Variants in SYNPR observed in about 807,000 individuals in gnomAD.
SYNPR encodes the protein synaptoporin.
Under a neutral mutation model 32.9 loss-of-function variants are expected in SYNPR, and 23 were observed. That is an observed-to-expected ratio of 0.70 (90% confidence interval 0.50 to 0.99). The LOEUF (loss-of-function observed/expected upper bound fraction) is 0.99, where lower values mean the gene tolerates loss of function less well. Among genes scored for constraint, SYNPR ranks in the 50% least tolerant of loss-of-function variants. SYNPR has a pLI of 0.00. For missense variants in SYNPR, 318 were observed against 349.3 expected (o/e 0.91, Z 0.71); for synonymous variants, 146 against 135.9 (o/e 1.07, Z -0.52).
At chr3:63,327,613 G>A (rs992866938) in intron 2 of SYNPR, among the ~76,000 whole-genome samples, 1 of 151,976 alleles carries the variant, frequency 6.6e-6, no homozygotes, top group Non-Finnish European at 1.5e-5. Context: ...TGATGAGAAT[G>A]GACAAACTAT....
chr3:63,606,413 C>CTTTTTTTTTTTTTT (rs1454337046), intron 4 of SYNPR, among the ~76,000 whole-genome samples: 1 of 63,458 alleles, frequency 1.6e-5, no homozygotes, highest in African/African-American at 4.9e-5. Context: ...ACCTCAAATC[C>CTTTTTTTTTTTTTT]TTTCTTTTTT....
intron 2 of SYNPR, among the ~76,000 whole-genome samples, chr3:63,431,438 C>T (rs1026963587): frequency 5.9e-5 from 9 of 152,078 alleles, no homozygotes; most frequent in Non-Finnish European, 1.2e-4. Context: ...TATTTATCAC[C>T]TCTCACTTGC....
rs1560220046 is a variant in SYNPR, at chr3:63,406,267, A to AGT, written c.85-74563_85-74562dup. 5.3e-5 allele frequency among the ~76,000 whole-genome samples: 8 copies of AGT among 152,120 alleles called. No individual in the cohort carries two copies. In the South Asian group the frequency reaches 1.7e-3, roughly 32 times the overall value. The stretch of plus-strand genomic sequence containing the variant: ...TCAGGACCAACATCCCTGTATTTTC[A>AGT]GTGAGATTTATTCTTTTTGTTGTAG... On this transcript the variant is annotated intron_variant, in intron 2 of 5. Coordinates refer to ENST00000478300, the MANE Select transcript of SYNPR (RefSeq NM_001130003.2).
intron 3 of SYNPR, among the ~76,000 whole-genome samples, chr3:63,490,548 A>G (rs1575672066): frequency 6.6e-6 from 1 of 152,168 alleles, no homozygotes; most frequent in Non-Finnish European, 1.5e-5. Flanking sequence ...CAGAGAGGGA[A>G]GGCATGGTAT....
At chr3:63,552,329 T>C (rs1301216020) in intron 3 of SYNPR, among the ~76,000 whole-genome samples, 1 of 152,220 alleles carries the variant, frequency 6.6e-6, no homozygotes, top group Non-Finnish European at 1.5e-5. Flanking sequence ...TGATTACCTT[T>C]AAATCCATTT....
chr3:63,592,538 G>A (rs1699856388), intron 4 of SYNPR, among the ~76,000 whole-genome samples: 1 of 152,018 alleles, frequency 6.6e-6, no homozygotes, highest in South Asian at 2.1e-4. Flanking sequence ...TAAGTGGATG[G>A]TTAGGAACCT....
chr3:63,342,357 C>T (rs1042542983), intron 2 of SYNPR, among the ~76,000 whole-genome samples: 1 of 152,120 alleles, frequency 6.6e-6, no homozygotes, highest in Non-Finnish European at 1.5e-5. Context: ...AATATTTTCT[C>T]TGGACCAATT....
chr3:63,347,787 C>G (rs7626409), intron 2 of SYNPR, among the ~76,000 whole-genome samples: 6,331 of 151,930 alleles, frequency 0.042, 395 homozygotes, highest in African/African-American at 0.14. Flanking sequence ...ACTCATGTTG[C>G]TGCAAAAGAC....
At chr3:63,442,221 G>C (rs1700192296) in intron 2 of SYNPR, among the ~76,000 whole-genome samples, 1 of 147,258 alleles carries the variant, frequency 6.8e-6, no homozygotes, top group Non-Finnish European at 1.5e-5. Flanking sequence ...AGGAGACAGA[G>C]ATACAAAGAG....
intron 2 of SYNPR, chr3:63,444,241 G>A (rs544537915): frequency 2.0e-5 from 3 of 152,302 alleles, no homozygotes; most frequent in Non-Finnish European, 2.9e-5. Context: ...TCCGGTCACC[G>A]TTGCTGGAAA....
intron 3 of SYNPR, among the ~76,000 whole-genome samples, chr3:63,508,731 C>T (rs1271296615): frequency 6.6e-6 from 1 of 152,032 alleles, no homozygotes; most frequent in Non-Finnish European, 1.5e-5. Context: ...CTGATTGGTC[C>T]AACCTGAACC....
intron 2 of SYNPR, among the ~76,000 whole-genome samples, chr3:63,255,928 C>G (rs567272609): frequency 1.3e-5 from 2 of 152,346 alleles, no homozygotes; most frequent in African/African-American, 4.8e-5. Context: ...CTATATGCCG[C>G]GCCTAGCTCA....
intron 1 of SYNPR, among the ~76,000 whole-genome samples, chr3:63,233,521 A>T (rs991004440): frequency 6.6e-6 from 1 of 152,186 alleles, no homozygotes; most frequent in African/African-American, 2.4e-5. Context: ...GCCATTACTA[A>T]ATTCCATGTG....
At chr3:63,555,101 T>C (rs1481168238) in intron 3 of SYNPR, among the ~76,000 whole-genome samples, 2 of 151,938 alleles carry the variant, frequency 1.3e-5, no homozygotes, top group African/African-American at 2.4e-5. Context: ...TCAGTTTTAG[T>C]AGGCTTTTAG....
At chr3:63,515,798 T>C (rs1410658909) in intron 3 of SYNPR, among the ~76,000 whole-genome samples, 1 of 152,176 alleles carries the variant, frequency 6.6e-6, no homozygotes, top group Non-Finnish European at 1.5e-5. Context: ...TTTGTTTGTA[T>C]GTGTATATAT....
intron 2 of SYNPR, chr3:63,330,299 G>T (rs576083875): frequency 2.0e-5 from 3 of 152,138 alleles, no homozygotes; most frequent in Admixed American, 6.5e-5. Flanking sequence ...TTTTCTAATT[G>T]TAAGTGTCAA....
intron 2 of SYNPR, among the ~76,000 whole-genome samples, chr3:63,445,057 AAC>A (rs1003639856): frequency 3.3e-5 from 5 of 151,830 alleles, no homozygotes; most frequent in Non-Finnish European, 7.4e-5. Context: ...TCCCCTCCCC[AAC>A]ACACACACAT....
At chr3:63,251,465 T>C (rs184547050) in intron 1 of SYNPR, among the ~76,000 whole-genome samples, 15 of 152,274 alleles carry the variant, frequency 9.9e-5, no homozygotes, top group African/African-American at 3.6e-4. Context: ...GAAAACTTGC[T>C]TCTTGTTTTT....
intron 2 of SYNPR, among the ~76,000 whole-genome samples, chr3:63,438,121 T>G (rs1307373531): frequency 6.6e-6 from 1 of 152,238 alleles, no homozygotes; most frequent in Non-Finnish European, 1.5e-5. Flanking sequence ...GATACAGAGA[T>G]AGTAAGATAT....
Sources: allele counts gnomAD v4.1 joint callset (sites outside exome capture counted in the v4.1 genomes callset), GRCh38; gene constraint gnomAD v4.1.1; transcripts MANE v1.5; gene names NCBI Gene and HGNC (gene_info 2026-07-23, HGNC 2026-07-21).